SPICE1: variants seen among roughly 807,000 people sequenced by gnomAD.
The protein encoded by SPICE1 is spindle and centriole associated protein 1, also known as spindle and centriole-associated protein 1.
In SPICE1, 75 loss-of-function variants were observed where a neutral mutation model predicts 102.7. That is an observed-to-expected ratio of 0.73 (90% CI 0.61 to 0.88). The LOEUF is 0.88. Ranked by LOEUF, SPICE1 falls within the 40% of genes least tolerant of loss-of-function variation. The pLI, the probability that SPICE1 is intolerant of heterozygous loss-of-function variation, is 0.00. For missense variants in SPICE1, 979 were observed against 1,020.1 expected (o/e 0.96, Z 0.55); for synonymous variants, 308 against 350.3 (o/e 0.88, Z 1.35).
chr3:113,509,447 A>G (rs722392), intron 1 of SPICE1, among the ~76,000 whole-genome samples: 30,312 of 152,010 alleles, frequency 0.2, 3,172 homozygotes, highest in African/African-American at 0.27. Context: ...AAGTATAAAA[A>G]GTAGAATACA....
intron 10 of SPICE1, among the ~76,000 whole-genome samples, chr3:113,467,668 T>C (rs980972175): frequency 1.1e-4 from 17 of 152,170 alleles, no homozygotes; most frequent in African/African-American, 4.1e-4. Context: ...ACTTAGACAT[T>C]GAAGCCATAT....
rs1219858541 is a variant in SPICE1, at chr3:113,465,699, A to T, written c.1241T>A (p.Leu414Gln). Residue 414 changes from leucine to glutamine, a missense_variant, in exon 11 of 18, where the codon CTG (leucine) becomes CAG (glutamine). Leu to Gln is a moderately radical substitution (Grantham distance 113, BLOSUM62 -2). Transcript: ENST00000295872. ...TCTAAGACGAAGAATTTCAGCTGTC[A>T]GAGCATCAATGAGCTCTCGATGATC... ...LGDHRELIDA[L>Q]TAEILRLREE... The T allele has an allele frequency of 1.9e-6, 3 of 1,613,872 alleles. No homozygotes were observed. In the Admixed American group the frequency reaches 5.0e-5, roughly 27 times the overall value.
At chr3:113,455,834 C>T (rs1391975706) in intron 13 of SPICE1, among the ~76,000 whole-genome samples, 2 of 152,190 alleles carry the variant, frequency 1.3e-5, no homozygotes, top group African/African-American at 4.8e-5. Context: ...ATAGCAATCC[C>T]TGACAAATTT....
At chr3:113,488,881 C>A in intron 7 of SPICE1, 64 bp downstream of exon 7, 2 of 907,890 alleles carry the variant, frequency 2.2e-6, no homozygotes, top group Non-Finnish European at 3.5e-6. Flanking sequence ...ATGCAATAGG[C>A]AAACATTGAA....
chr3:113,497,607 C>T (rs962034871), intron 4 of SPICE1, among the ~76,000 whole-genome samples: 1 of 151,616 alleles, frequency 6.6e-6, no homozygotes. Context: ...TACATGGGGC[C>T]ACATCCTAGG....
Position 113,450,326 on chromosome 3 carries a change from T to C in SPICE1, c.2323+10A>G. 1 of 1,613,924 alleles carries C rather than the reference T, an allele frequency of 6.2e-7. No homozygotes were observed. The highest frequency in any genetic ancestry group is 8.5e-7 in the Non-Finnish European group (1 of 1,179,860). On this transcript the variant is annotated intron_variant, in intron 15 of 17. Transcript: ENST00000295872. ...ATTTCTAGTTTTTAAATCATGAATT[T>C]GTGACCAACCAGTCCATGCTCTGAG... is the stretch of plus-strand genomic sequence containing the variant.
chr3:113,474,070 C>A (rs1303853322), intron 7 of SPICE1, among the ~76,000 whole-genome samples: 2 of 151,156 alleles, frequency 1.3e-5, no homozygotes, highest in Non-Finnish European at 2.9e-5. Context: ...CACATAGGCT[C>A]AAAATAAAAG....
chr3:113,450,519 TTGGG>T lies in SPICE1; in HGVS notation c.2143-7_2143-4del. ...AGAGACTGTGCTACTGGAAAAGTCT[TTGGG>T]AGAAAAAAAAAAAAAGTACAAATTG... On this transcript the variant is annotated splice_polypyrimidine_tract_variant and splice_region_variant and intron_variant, in intron 14 of 17. Coordinates refer to ENST00000295872, the MANE Select transcript of SPICE1 (RefSeq NM_144718.4). The T allele has an allele frequency of 1.3e-6, 2 of 1,567,444 alleles. No individual in the cohort carries two copies. Among genetic ancestry groups the T allele is most frequent in the Admixed American group, 2.1e-5 (1 of 48,768 alleles).
intron 15 of SPICE1, chr3:113,450,039 A>G (rs1338686010): frequency 1.7e-5 from 5 of 301,030 alleles, no homozygotes; most frequent in Non-Finnish European, 3.1e-5. Context: ...TAGTTGCAGC[A>G]TATGACCTAA....
intron 12 of SPICE1, chr3:113,459,450 A>C: frequency 1.0e-6 from 1 of 974,914 alleles, no homozygotes. Context: ...ACAAAACAAA[A>C]CAAAACAAAA....
At chr3:113,493,432 T>C in intron 5 of SPICE1, 120 bp from the exon 6 acceptor site, 1 of 750,398 alleles carries the variant, frequency 1.3e-6, no homozygotes, top group Non-Finnish European at 2.3e-6. Context: ...CTCACATTAA[T>C]GTAGTGCTTA....
At chr3:113,446,108 A>G (rs1243498817) in intron 17 of SPICE1, among the ~76,000 whole-genome samples, 2 of 152,230 alleles carry the variant, frequency 1.3e-5, no homozygotes, top group East Asian at 3.8e-4. Context: ...TGAAGAACAC[A>G]TTAAGACATT....
intron 12 of SPICE1, 140 bp downstream of exon 12, chr3:113,460,477 T>A (rs532422754): frequency 7.2e-7 from 1 of 1,397,594 alleles, no homozygotes; most frequent in East Asian, 2.6e-5. Context: ...GGAAAAGTAG[T>A]GGCAACTGTA....
At chr3:113,468,714 A>G (rs1936122385) in intron 9 of SPICE1, 48 bp downstream of exon 9, 2 of 1,571,580 alleles carry the variant, frequency 1.3e-6, no homozygotes, top group Non-Finnish European at 1.7e-6. Flanking sequence ...AGACAGCTGT[A>G]TCAAGTTACA....
rs765330375 is a variant in SPICE1, at chr3:113,468,121, C to A, written c.1155+18G>T. 6.2e-7 allele frequency: 1 copy of A among 1,608,424 alleles called. No homozygotes were observed. Among genetic ancestry groups the A allele is most frequent in the Admixed American group, 1.7e-5 (1 of 59,440 alleles). Reference sequence around the variant, plus strand: ...ATTTCTGCCTGAAAAGAAGACTCTACTAACCTAATGTCCTTACCTCTTTAA... The same window carrying A: ...ATTTCTGCCTGAAAAGAAGACTCTAATAACCTAATGTCCTTACCTCTTTAA... On this transcript the variant is annotated intron_variant, in intron 10 of 17. Coordinates refer to ENST00000295872, the MANE Select transcript of SPICE1 (RefSeq NM_144718.4).
In SPICE1 at chr3:113,503,268, T is replaced by G. The variant is rs766966232; in HGVS notation, c.100-41A>C. The stretch of plus-strand genomic sequence containing the variant: ...GCCTTTCTTTAAAAAAAAAAAAAAG[T>G]TTTCTTATAAAATATACACATTTAT... On this transcript the variant is annotated intron_variant, in intron 2 of 17. Coordinates refer to ENST00000295872, the MANE Select transcript of SPICE1 (RefSeq NM_144718.4). 4.4e-6 allele frequency: 6 copies of G among 1,351,490 alleles called. No individual in the cohort carries two copies. The South Asian group carries it at 6.8e-5, about 15-fold the overall frequency. 83.7% of individuals were successfully genotyped at this position (1,351,490 alleles called of 1,614,324 possible).
chr3:113,491,904 G>T (rs138674067), intron 6 of SPICE1, among the ~76,000 whole-genome samples: 209 of 152,238 alleles, frequency 1.4e-3, no homozygotes, highest in African/African-American at 4.7e-3. Flanking sequence ...TCAAGTGTGC[G>T]AATGGACTCT....
intron 7 of SPICE1, among the ~76,000 whole-genome samples, chr3:113,486,987 T>C (rs1936663956): frequency 6.6e-6 from 1 of 151,794 alleles, no homozygotes; most frequent in Non-Finnish European, 1.5e-5. Context: ...TTAGAAGGGA[T>C]AGGGGATGGT....
intron 7 of SPICE1, among the ~76,000 whole-genome samples, chr3:113,483,647 G>A (rs924091661): frequency 1.3e-5 from 2 of 152,104 alleles, no homozygotes; most frequent in Non-Finnish European, 2.9e-5. Flanking sequence ...TGTGATTTTT[G>A]TCTTTGGTTC....
Sources: allele counts gnomAD v4.1 joint callset (sites outside exome capture counted in the v4.1 genomes callset), GRCh38; gene constraint gnomAD v4.1.1; transcripts MANE v1.5; gene names NCBI Gene and HGNC (gene_info 2026-07-23, HGNC 2026-07-21).